Variants in SGCD observed in about 807,000 individuals in gnomAD.
The protein encoded by SGCD is delta-sarcoglycan.
Under a neutral mutation model 36.6 loss-of-function variants are expected in SGCD, and 18 were observed. The ratio of observed to expected loss-of-function variants is 0.49; its 90% CI spans 0.34 to 0.73. The LOEUF is 0.73. SGCD is among the 30% of genes least tolerant of loss of function. The pLI is 0.01. For missense variants in SGCD, 387 were observed against 346.7 expected (o/e 1.12, Z -0.92); for synonymous variants, 133 against 130.6 (o/e 1.02, Z -0.12).
intron 3 of SGCD, among the ~76,000 whole-genome samples, chr5:156,409,060 C>G (rs371296889): frequency 6.6e-5 from 10 of 152,160 alleles, no homozygotes; most frequent in Non-Finnish European, 1.2e-4. Flanking sequence ...ATATACTTAA[C>G]GCTTCTTCAT....
chr5:156,744,048 A>ACACAGTGGTGCACACCTGTAATCC (rs1756826090), intron 7 of SGCD, among the ~76,000 whole-genome samples: 1 of 152,210 alleles, frequency 6.6e-6, no homozygotes, highest in Admixed American at 6.5e-5. Context: ...CCTGAGCCAG[A>ACACAGTGGTGCACACCTGTAATCC]CACAGTGGTG....
At chr5:156,671,000 C>T (rs1402837013) in intron 7 of SGCD, among the ~76,000 whole-genome samples, 1 of 151,688 alleles carries the variant, frequency 6.6e-6, no homozygotes, top group Non-Finnish European at 1.5e-5. Flanking sequence ...CCCTATTTTC[C>T]ATTCCTTCCA....
chr5:155,994,144 C>T (rs1416427348), intron 1 of SGCD, among the ~76,000 whole-genome samples: 2 of 152,202 alleles, frequency 1.3e-5, no homozygotes, highest in Non-Finnish European at 2.9e-5. Context: ...ATGCCACAGA[C>T]ATGCTAGACA....
chr5:155,761,815 C>T, the SGCD span, among the ~76,000 whole-genome samples: 23 of 151,890 alleles, frequency 1.5e-4, no homozygotes, highest in South Asian at 4.2e-4. Context: ...TCACCATCAA[C>T]CTTTCCATCA....
chr5:156,535,116 G>T (rs563606904), intron 4 of SGCD, among the ~76,000 whole-genome samples: 1 of 152,262 alleles, frequency 6.6e-6, no homozygotes, highest in Admixed American at 6.5e-5. Flanking sequence ...AGAGGTTCTT[G>T]TTCAACCCAC....
Position 156,757,608 on chromosome 5 carries a change from G to A in SGCD, c.603G>A (p.Val201=). The change falls in exon 8 of 9, where the codon GTG becomes GTA. Residue 201 remains valine, a synonymous_variant. Transcript: ENST00000337851. The part of the protein sequence containing the change: ...LRLESPTRSL[V]MEAPKGVEIN... ...TGGAGTCCCCAACCCGGTCTCTAGT[G>A]ATGGAGGCCCCAAAAGGAGTGGAAA... The A allele has an allele frequency of 6.2e-7, 1 of 1,611,396 alleles. No individual in the cohort carries two copies. The highest frequency in any genetic ancestry group is 1.1e-5 in the South Asian group (1 of 90,346).
chr5:156,217,082 A>G (rs1261342821), intron 3 of SGCD, among the ~76,000 whole-genome samples: 2 of 152,064 alleles, frequency 1.3e-5, no homozygotes, highest in African/African-American at 4.8e-5. Flanking sequence ...CATCTCAAAT[A>G]AAAAAAATAA....
At chr5:156,050,487 C>T (rs890135587) in intron 1 of SGCD, among the ~76,000 whole-genome samples, 1 of 146,546 alleles carries the variant, frequency 6.8e-6, no homozygotes, top group African/African-American at 2.5e-5. Context: ...TATGACTCAC[C>T]TTATTGTGAT....
chr5:156,079,914 G>T (rs989095736), intron 1 of SGCD, among the ~76,000 whole-genome samples: 2 of 152,232 alleles, frequency 1.3e-5, no homozygotes, highest in Admixed American at 1.3e-4. Flanking sequence ...TGCCCACTGT[G>T]TGGGGCCTTC....
At chr5:155,871,749 AGTGAACAC>A (rs1355548025) in intron 1 of SGCD, among the ~76,000 whole-genome samples, 1 of 152,220 alleles carries the variant, frequency 6.6e-6, no homozygotes, top group East Asian at 1.9e-4. Flanking sequence ...CCCATCTGGA[AGTGAACAC>A]GTTTAAGGAA....
Position 156,378,603 on chromosome 5 carries a change from T to C in SGCD, c.192+33926T>C, listed in dbSNP as rs1323085829. Among the ~76,000 whole-genome samples, 3 of 152,312 alleles carry C rather than the reference T, an allele frequency of 2.0e-5. No individual in the cohort carries two copies. The South Asian group carries it at 6.2e-4, about 32-fold the overall frequency. ...CTCATGACCATCAATAAGCTCCCAG[T>C]ATGTTTACTTTCTGATATAAGCCAA... On this transcript the variant is annotated intron_variant, in intron 3 of 8. Transcript: ENST00000337851.
At chr5:156,587,849 C>T (rs12332716) in intron 4 of SGCD, among the ~76,000 whole-genome samples, 4,752 of 151,722 alleles carry the variant, frequency 0.031, 172 homozygotes, top group African/African-American at 0.079. Flanking sequence ...CTCATAGCTC[C>T]GAAATCACTC....
intron 3 of SGCD, among the ~76,000 whole-genome samples, chr5:156,392,605 G>A (rs778677891): frequency 4.8e-4 from 73 of 152,218 alleles, no homozygotes; most frequent in Non-Finnish European, 1.6e-4. Context: ...CTTATTGCAA[G>A]GACAGAGGCT....
intron 1 of SGCD, among the ~76,000 whole-genome samples, chr5:156,042,168 A>T (rs1260984439): frequency 1.3e-5 from 2 of 149,978 alleles, no homozygotes; most frequent in Non-Finnish European, 2.9e-5. Context: ...TTTTGAATTT[A>T]TAAGTAATTA....
intron 3 of SGCD, among the ~76,000 whole-genome samples, chr5:156,209,358 T>G (rs1269149482): frequency 6.6e-6 from 1 of 152,192 alleles, no homozygotes; most frequent in Non-Finnish European, 1.5e-5. Flanking sequence ...CTAGCTATTA[T>G]GGATACAGGC....
Position 156,236,939 on chromosome 5 carries a change from T to G in SGCD, c.-43-92595T>G, listed in dbSNP as rs113945523. Among the ~76,000 whole-genome samples the G allele has an allele frequency of 1.5e-3, 228 of 151,998 alleles. 1 individual carries two copies. Among genetic ancestry groups the G allele is most frequent in the African/African-American group, 5.1e-3 (212 of 41,458 alleles). ...ATAATCACCTCCCAGGTTCAAGTGATTCTCCTGCCTCAGCCTCCCTAGTAC... is the reference window on the plus strand; with the variant it reads ...ATAATCACCTCCCAGGTTCAAGTGAGTCTCCTGCCTCAGCCTCCCTAGTAC... On this transcript the variant is annotated intron_variant, in intron 3 of 9. Transcript: ENST00000517913.
intron 3 of SGCD, among the ~76,000 whole-genome samples, chr5:156,349,094 TAACTC>T (rs1435125635): frequency 1.3e-5 from 2 of 152,178 alleles, no homozygotes; most frequent in East Asian, 1.9e-4. Flanking sequence ...TTGAAAAAGT[TAACTC>T]AAGATGGATG....
intron 3 of SGCD, among the ~76,000 whole-genome samples, chr5:156,379,371 C>CAT (rs749093089): frequency 1.4e-4 from 22 of 152,112 alleles, no homozygotes; most frequent in Non-Finnish European, 2.8e-4. Context: ...TATGCATGCA[C>CAT]ATGTCTGGGC....
chr5:156,576,822 T>C (rs1441784279), intron 4 of SGCD, among the ~76,000 whole-genome samples: 1 of 152,222 alleles, frequency 6.6e-6, no homozygotes, highest in Non-Finnish European at 1.5e-5. Flanking sequence ...ATTAGCCTTT[T>C]GTTAGATGGG....
Sources: allele counts gnomAD v4.1 joint callset (sites outside exome capture counted in the v4.1 genomes callset), GRCh38; gene constraint gnomAD v4.1.1; transcripts MANE v1.5; gene names NCBI Gene and HGNC (gene_info 2026-07-23, HGNC 2026-07-21).